The following THEMIS variants were observed in gnomAD, a reference collection of about 807,000 sequenced individuals.
THEMIS encodes the protein thymocyte selection associated.
In THEMIS, 37 loss-of-function variants were observed where a neutral mutation model predicts 52.6. The ratio of observed to expected loss-of-function variants is 0.70; its 90% confidence interval spans 0.54 to 0.93. THEMIS has a LOEUF of 0.93. THEMIS is among the 40% of genes least tolerant of loss of function. THEMIS has a pLI of 0.00. For missense variants in THEMIS, 808 were observed against 763.1 expected, an observed-to-expected ratio of 1.06 and a Z score of -0.69; for synonymous variants, 292 against 272.7, an observed-to-expected ratio of 1.07 and a Z score of -0.70.
intron 4 of THEMIS, among the ~76,000 whole-genome samples, chr6:127,762,041 C>T (rs796068408): frequency 1.4e-4 from 22 of 152,034 alleles, no homozygotes; most frequent in African/African-American, 3.4e-4. Flanking sequence ...AGAAAATGTA[C>T]GCTATACATA....
At chr6:127,787,920 A>ATAGATAG (rs1562258195) in intron 4 of THEMIS, among the ~76,000 whole-genome samples, 6,139 of 134,588 alleles carry the variant, frequency 0.046, 185 homozygotes, top group Middle Eastern at 0.068. Flanking sequence ...TAGATAGATA[A>ATAGATAG]ATAGATGCTC....
chr6:127,917,134 A>T (rs929893298), intron 1 of THEMIS, among the ~76,000 whole-genome samples: 2 of 152,220 alleles, frequency 1.3e-5, no homozygotes, highest in African/African-American at 4.8e-5. Context: ...AGCTTGACAA[A>T]GTACTGGATT....
chr6:127,874,020 TG>T (rs1212233288), intron 1 of THEMIS, among the ~76,000 whole-genome samples: 4 of 152,230 alleles, frequency 2.6e-5, no homozygotes, highest in Non-Finnish European at 4.4e-5. Flanking sequence ...GTTTACTTTT[TG>T]GGAATACCAA....
At chr6:127,911,953 GT>G (rs1781422364) in intron 1 of THEMIS, among the ~76,000 whole-genome samples, 1 of 148,984 alleles carries the variant, frequency 6.7e-6, no homozygotes, top group Non-Finnish European at 1.5e-5. Context: ...CACAGATATT[GT>G]GTAGAATGTG....
intron 1 of THEMIS, among the ~76,000 whole-genome samples, chr6:127,915,690 G>A (rs1339112161): frequency 6.6e-6 from 1 of 151,944 alleles, no homozygotes; most frequent in African/African-American, 2.4e-5. Flanking sequence ...AAGCACATGA[G>A]AAAAAAGAAT....
chr6:127,782,226 T>A lies in THEMIS; in HGVS notation c.1758+30657A>T, dbSNP rs532675855. Among the ~76,000 whole-genome samples, 4 of 152,260 alleles carry A rather than the reference T, an allele frequency of 2.6e-5. No homozygotes were observed. The East Asian group carries it at 7.8e-4, about 30-fold the overall frequency. The stretch of plus-strand genomic sequence containing the variant: ...AATTTCAAGCCAGTGGATGTTACCT[T>A]TTTGGGCTCCATGGGGGTGGGATGC... On this transcript the variant is annotated intron_variant, in intron 4 of 5. Coordinates refer to ENST00000368248, the MANE Select transcript of THEMIS (RefSeq NM_001010923.3).
intron 4 of THEMIS, among the ~76,000 whole-genome samples, chr6:127,792,797 T>A: frequency 6.6e-6 from 1 of 152,232 alleles, no homozygotes; most frequent in South Asian, 2.1e-4. Flanking sequence ...GGCTGAGATG[T>A]GCTTTTACTA....
chr6:127,799,305 A>G (rs1457876616), intron 4 of THEMIS, among the ~76,000 whole-genome samples: 4 of 152,198 alleles, frequency 2.6e-5, no homozygotes, highest in African/African-American at 7.2e-5. Context: ...GATGGTCTCA[A>G]TAATCCAGAC....
intron 4 of THEMIS, among the ~76,000 whole-genome samples, chr6:127,797,974 G>T (rs1777386145): frequency 6.6e-6 from 1 of 152,130 alleles, no homozygotes; most frequent in Non-Finnish European, 1.5e-5. Flanking sequence ...TCATGCTTTG[G>T]GTTCCCAGGA....
At chr6:127,782,002 C>A (rs1016454155) in intron 4 of THEMIS, among the ~76,000 whole-genome samples, 1 of 152,136 alleles carries the variant, frequency 6.6e-6, no homozygotes. Flanking sequence ...CAAAGAGAAG[C>A]AATCTATAGA....
rs114359570 is a variant in THEMIS, at chr6:127,836,632, T to A, written c.251-6698A>T. On this transcript the variant is annotated intron_variant, in intron 2 of 5. Coordinates refer to ENST00000368248, the MANE Select transcript of THEMIS (RefSeq NM_001010923.3). ...ATTTGCACAATAAAGAAAACTGAAT[T>A]TTTGTTTTTCTAAATTCACCAGTAT... Among the ~76,000 whole-genome samples, 1,149 of 152,256 alleles carry A rather than the reference T, an allele frequency of 7.5e-3. 18 individuals carry two copies. The highest frequency in any genetic ancestry group is 0.025 in the African/African-American group (1,050 of 41,568).
In THEMIS at chr6:127,708,851, T is replaced by C. The variant is rs1172079303; in HGVS notation, c.*1134A>G. 1.3e-5 allele frequency: 2 copies of C among 152,000 alleles called. No homozygotes were observed. Among genetic ancestry groups the C allele is most frequent in the East Asian group, 3.9e-4 (2 of 5,182 alleles). 9.4% of individuals were successfully genotyped at this position (152,000 alleles called of 1,614,324 possible). A position where few individuals can be genotyped will look rare whatever the true frequency, so the allele number is the denominator to read the frequency against. ...TTTATTGTCTTCAGAAACACTTTGG[T>C]ACAAAATCAACAAATTTCTCCACAA... On this transcript the variant is annotated 3_prime_UTR_variant, in exon 6 of 6. Coordinates refer to ENST00000368248, the MANE Select transcript of THEMIS (RefSeq NM_001010923.3).
intron 1 of THEMIS, among the ~76,000 whole-genome samples, chr6:127,894,983 A>T (rs959935952): frequency 6.7e-6 from 1 of 148,312 alleles, no homozygotes; most frequent in Non-Finnish European, 1.5e-5. Flanking sequence ...ATTTATATGA[A>T]TATATATATT....
rs545720705 is a variant in THEMIS, at chr6:127,722,291, T to C, written c.1759-2468A>G. Among the ~76,000 whole-genome samples the C allele has an allele frequency of 1.3e-4, 20 of 152,052 alleles. No homozygotes were observed. In the South Asian group the frequency reaches 2.7e-3, roughly 20 times the overall value. On this transcript the variant is annotated intron_variant, in intron 4 of 5. Transcript: ENST00000368248. ...TAAAGGGAGGTAGGTGTCTCTTAAG[T>C]TGCTGACCTTGCCACACTCGCTCTT... is the stretch of plus-strand genomic sequence containing the variant.
rs989134704 is a variant in THEMIS at position 127,719,159 on chromosome 6, G to A, written c.1894+529C>T. ...AGCTCATCCCAAATTTCTGCCATAT[G>A]GAAGTTAGTCTGGGTAGCTTAATTG... On this transcript the variant is annotated intron_variant, in intron 5 of 5. Transcript: ENST00000368248. 4.0e-5 allele frequency among the ~76,000 whole-genome samples: 6 copies of A among 151,816 alleles called. No homozygotes were observed. In the East Asian group the frequency reaches 1.2e-3, roughly 29 times the overall value.
At chr6:127,799,306 T>A (rs1188597393) in intron 4 of THEMIS, among the ~76,000 whole-genome samples, 2 of 152,120 alleles carry the variant, frequency 1.3e-5, no homozygotes, top group Non-Finnish European at 2.9e-5. Context: ...ATGGTCTCAA[T>A]AATCCAGACA....
chr6:127,762,711 C>G lies in THEMIS; in HGVS notation c.1759-42888G>C, dbSNP rs9491868. Among the ~76,000 whole-genome samples, 228 of 152,172 alleles carry G rather than the reference C, an allele frequency of 1.5e-3. 1 individual carries two copies. The highest frequency in any genetic ancestry group is 4.9e-3 in the African/African-American group (203 of 41,552). On this transcript the variant is annotated intron_variant, in intron 4 of 5. Transcript: ENST00000368248. ...ACTGTCACCATCTCCATTATTTCCT[C>G]TACTCAATCTAAACAGTTTTCAATA...
chr6:127,907,599 T>A (rs562386316), intron 1 of THEMIS, among the ~76,000 whole-genome samples: 65 of 152,052 alleles, frequency 4.3e-4, no homozygotes, highest in African/African-American at 1.3e-3. Flanking sequence ...GTTCACGGGC[T>A]CTACTTTGGA....
At chr6:127,843,943 C>T (rs377063351) in intron 2 of THEMIS, among the ~76,000 whole-genome samples, 17 of 152,136 alleles carry the variant, frequency 1.1e-4, no homozygotes, top group African/African-American at 3.6e-4. Flanking sequence ...TCCCTGCCTA[C>T]GGCTTCACTG....
Sources: allele counts gnomAD v4.1 joint callset (sites outside exome capture counted in the v4.1 genomes callset), GRCh38; gene constraint gnomAD v4.1.1; transcripts MANE v1.5; gene names NCBI Gene and HGNC (gene_info 2026-07-23, HGNC 2026-07-21).